Variants in ALDH18A1 observed in about 807,000 individuals in gnomAD.
ALDH18A1 encodes the protein delta-1-pyrroline-5-carboxylate synthase.
ALDH18A1 carries 44 observed loss-of-function variants against 88.8 expected under a neutral mutation model. The ratio of observed to expected loss-of-function variants is 0.50; its 90% CI spans 0.39 to 0.64. The LOEUF (loss-of-function observed/expected upper bound fraction) is 0.64. Among genes scored for constraint, ALDH18A1 ranks in the 30% least tolerant of loss-of-function variants. The pLI, the probability that ALDH18A1 is intolerant of heterozygous loss-of-function variation, is 0.00. For synonymous variants in ALDH18A1, 331 were observed against 372.1 expected, an observed-to-expected ratio of 0.89 and a Z score of 1.27; for missense variants, 782 against 1,009.5, an observed-to-expected ratio of 0.77 and a Z score of 3.05.
intron 11 of ALDH18A1, among the ~76,000 whole-genome samples, chr10:95,623,277 T>G (rs754572306): frequency 4.7e-4 from 72 of 152,218 alleles, no homozygotes; most frequent in Admixed American, 1.0e-3. Flanking sequence ...CTACTAAATA[T>G]TCCATTAATT....
intron 2 of ALDH18A1, among the ~76,000 whole-genome samples, chr10:95,648,267 T>C (rs1279076966): frequency 6.6e-6 from 1 of 152,200 alleles, no homozygotes; most frequent in Non-Finnish European, 1.5e-5. Context: ...TGTTGATTGT[T>C]GTTATGGAGT....
intron 13 of ALDH18A1, 100 bp from the exon 14 acceptor site, chr10:95,614,261 G>C (rs1164354696): frequency 8.0e-7 from 1 of 1,248,362 alleles, no homozygotes; most frequent in East Asian, 2.3e-5. Context: ...TACACTCTGA[G>C]AACTAAGTGA....
At chr10:95,630,614 G>A (rs1387127013) in intron 7 of ALDH18A1, among the ~76,000 whole-genome samples, 1 of 152,094 alleles carries the variant, frequency 6.6e-6, no homozygotes, top group Non-Finnish European at 1.5e-5. Context: ...GGGAGGGTGA[G>A]ACAGGAGAAT....
intron 12 of ALDH18A1, among the ~76,000 whole-genome samples, chr10:95,620,100 A>C (rs1302232220): frequency 6.6e-6 from 1 of 152,224 alleles, no homozygotes; most frequent in Non-Finnish European, 1.5e-5. Context: ...AGAAAAAAAC[A>C]ACCCCATCAA....
intron 11 of ALDH18A1, among the ~76,000 whole-genome samples, chr10:95,623,105 C>A (rs2097855427): frequency 6.6e-6 from 1 of 151,784 alleles, no homozygotes; most frequent in Non-Finnish European, 1.5e-5. Flanking sequence ...AAAAATTAAA[C>A]CATCTTTCTA....
intron 2 of ALDH18A1, among the ~76,000 whole-genome samples, chr10:95,652,896 T>C (rs1469410049): frequency 6.6e-6 from 1 of 151,520 alleles, no homozygotes; most frequent in African/African-American, 2.4e-5. Context: ...CTTTTAAACC[T>C]TTTTTCTTGG....
intron 1 of ALDH18A1, among the ~76,000 whole-genome samples, chr10:95,656,093 G>C (rs1818846226): frequency 6.6e-6 from 1 of 152,116 alleles, no homozygotes; most frequent in Non-Finnish European, 1.5e-5. Context: ...CTTTGAGGAG[G>C]GGATGATGAA....
In ALDH18A1 at chr10:95,606,075, T is replaced by C. The variant is rs1334630638; in HGVS notation, c.*687A>G. ...ACAAAAATTTCAAGCATCACTGCTG[T>C]AGATATTCCTCCAGCTCAGTGGGGA... On this transcript the variant is annotated 3_prime_UTR_variant, in exon 18 of 18. Transcript: ENST00000371224. 2.0e-5 allele frequency: 4 copies of C among 199,260 alleles called. No homozygotes were observed. Among genetic ancestry groups the C allele is most frequent in the African/African-American group, 9.5e-5 (4 of 42,262 alleles). The allele number at this position is 199,260 out of a possible 1,614,324, so 12.3% of individuals were successfully genotyped here.
chr10:95,617,176 G>A (rs1387222623), intron 12 of ALDH18A1, among the ~76,000 whole-genome samples: 1 of 152,226 alleles, frequency 6.6e-6, no homozygotes, highest in Non-Finnish European at 1.5e-5. Context: ...GAGCCTGGGA[G>A]GCGGAGGCTG....
Position 95,637,082 on chromosome 10 carries a change from C to T in ALDH18A1, c.558+11G>A. On this transcript the variant is annotated intron_variant, in intron 5 of 17. Transcript: ENST00000371224. Reference sequence around the variant, plus strand: ...CAGGTCCCACACCCATTTCAAAGCCCAGCCTCTCACCTGGGCAGCACAGAT... The same window carrying T: ...CAGGTCCCACACCCATTTCAAAGCCTAGCCTCTCACCTGGGCAGCACAGAT... The T allele has an allele frequency of 6.2e-7, 1 of 1,613,542 alleles. No homozygotes were observed. The highest frequency in any genetic ancestry group is 8.5e-7 in the Non-Finnish European group (1 of 1,179,740).
At chr10:95,630,051 T>C (rs1205962707) in intron 7 of ALDH18A1, among the ~76,000 whole-genome samples, 1 of 152,178 alleles carries the variant, frequency 6.6e-6, no homozygotes, top group Non-Finnish European at 1.5e-5. Flanking sequence ...TGACTTCAGA[T>C]ACACCATTTA....
intron 3 of ALDH18A1, among the ~76,000 whole-genome samples, chr10:95,637,982 C>T (rs1052744148): frequency 9.2e-5 from 6 of 64,906 alleles, no homozygotes; most frequent in Non-Finnish European, 1.9e-4. Flanking sequence ...ACAACAACAA[C>T]AACAACAACA....
In ALDH18A1 at chr10:95,627,517, C is replaced by T. The variant is rs2097862136; in HGVS notation, c.1003G>A (p.Val335Met). The T allele has an allele frequency of 1.2e-6, 2 of 1,614,014 alleles. No individual in the cohort carries two copies. The highest frequency in any genetic ancestry group is 1.3e-5 in the African/African-American group (1 of 74,924). The change falls in exon 9 of 18, where the codon GTG (valine) becomes ATG (methionine). Residue 335 changes from valine (V) to methionine (M), a missense_variant. By Grantham distance (21) the Val-to-Met change is conservative. Coordinates refer to ENST00000371224, the MANE Select transcript of ALDH18A1 (RefSeq NM_002860.4). ...VVIANGTHPKVSGHVITDIVE... is the reference protein window; with the variant it reads ...VVIANGTHPKMSGHVITDIVE... ...ATGTCTGTGATGACGTGCCCAGACACCTTTGGGTGGGTTCCATTGGCAATA... is the reference window on the plus strand; with the variant it reads ...ATGTCTGTGATGACGTGCCCAGACATCTTTGGGTGGGTTCCATTGGCAATA...
chr10:95,616,848 T>G (rs1300559956), intron 12 of ALDH18A1, among the ~76,000 whole-genome samples: 1 of 152,230 alleles, frequency 6.6e-6, no homozygotes, highest in Admixed American at 6.5e-5. Flanking sequence ...GTCACACAGC[T>G]TATAAATAAC....
At chr10:95,637,788 G>A (rs2097883605) in intron 3 of ALDH18A1, among the ~76,000 whole-genome samples, 1 of 152,108 alleles carries the variant, frequency 6.6e-6, no homozygotes, top group African/African-American at 2.4e-5. Context: ...AGGCAACATG[G>A]CAAGACCCAA....
At chr10:95,653,526 T>C in intron 1 of ALDH18A1, 121 bp from the exon 2 acceptor site, 1 of 806,248 alleles carries the variant, frequency 1.2e-6, no homozygotes. Context: ...AACTCCTCTG[T>C]ATTAGGGAAA....
intron 3 of ALDH18A1, among the ~76,000 whole-genome samples, chr10:95,641,023 C>A (rs1280971024): frequency 6.6e-6 from 1 of 152,214 alleles, no homozygotes; most frequent in Non-Finnish European, 1.5e-5. Context: ...GCATGCCATA[C>A]TCATTCCTGC....
chr10:95,623,363 A>ATCTTG (rs752716926), intron 11 of ALDH18A1, among the ~76,000 whole-genome samples: 143 of 152,118 alleles, frequency 9.4e-4, no homozygotes, highest in Non-Finnish European at 1.6e-3. Flanking sequence ...AGTGTGATAA[A>ATCTTG]TCTTGCTCTA....
chr10:95,646,309 T>A (rs1410032341), intron 2 of ALDH18A1, among the ~76,000 whole-genome samples: 1 of 152,142 alleles, frequency 6.6e-6, no homozygotes, highest in Non-Finnish European at 1.5e-5. Context: ...GCAGCCAGGC[T>A]AGCATGAAGG....
Sources: allele counts gnomAD v4.1 joint callset (sites outside exome capture counted in the v4.1 genomes callset), GRCh38; gene constraint gnomAD v4.1.1; transcripts MANE v1.5; gene names NCBI Gene and HGNC (gene_info 2026-07-23, HGNC 2026-07-21).